ATRX: variants seen among roughly 807,000 people sequenced by gnomAD.
The protein encoded by ATRX is ATRX chromatin remodeler.
In ATRX, 12 loss-of-function variants were observed where a neutral mutation model predicts 172.6. That is an observed-to-expected ratio of 0.07 (90% CI 0.04 to 0.11). ATRX has a LOEUF of 0.11. ATRX is among the 10% of genes least tolerant of loss of function. ATRX has a pLI of 1.00. For synonymous variants in ATRX, 674 were observed against 594.7 expected, an observed-to-expected ratio of 1.13 and a Z score of -1.94; for missense variants, 1,368 against 1,767.4, an observed-to-expected ratio of 0.77 and a Z score of 4.05.
Position 77,682,288 on chromosome X carries a change from C to T in ATRX, c.2968G>A (p.Glu990Lys), listed in dbSNP as rs376883807. The change falls in exon 9 of 35, where the codon GAA becomes AAA. Residue 990 changes from glutamate (E) to lysine (K), a missense_variant. By Grantham distance (56) the Glu-to-Lys change is moderately conservative. Around this residue, in one of 17 missense-constraint regions of ATRX, gnomAD observed 843 missense variants for 643.1 expected, o/e 1.31. Transcript: ENST00000373344. ...DDKKQSKKGT[E>K]EKKKPSDFKK... ...AAGTCTGAAGGTTTCTTTTTTTCTT[C>T]AGTTCCCTTTTTGCTCTGCTTTTTA... 1.4e-5 allele frequency: 17 copies of T among 1,196,622 alleles called. No homozygotes were observed. In the African/African-American group the frequency reaches 2.5e-4, roughly 18 times the overall value.
chrX:77,531,694 T>C (rs1411857537), intron 30 of ATRX, among the ~76,000 whole-genome samples: 3 of 111,908 alleles, frequency 2.7e-5, no homozygotes, highest in Admixed American at 9.5e-5. Context: ...GGGCAAAAGC[T>C]GGAAGCATTC....
At chrX:77,566,594 A>C (rs1336380718) in intron 28 of ATRX, among the ~76,000 whole-genome samples, 1 of 111,534 alleles carries the variant, frequency 9.0e-6, no homozygotes. Context: ...CTCTACAAAA[A>C]ATACAGAAAT....
intron 30 of ATRX, among the ~76,000 whole-genome samples, chrX:77,555,233 G>A: frequency 8.9e-6 from 1 of 111,836 alleles, no homozygotes; most frequent in South Asian, 3.8e-4. Context: ...AGGATGTGGA[G>A]AAATAGGAAC....
intron 2 of ATRX, among the ~76,000 whole-genome samples, chrX:77,712,562 C>A (rs1321333972): frequency 1.8e-5 from 2 of 112,253 alleles, no homozygotes; most frequent in Admixed American, 9.5e-5. Context: ...TGGTGGCTCA[C>A]GCCTGTAATC....
At chrX:77,617,578 C>G (rs1289357448) in intron 21 of ATRX, among the ~76,000 whole-genome samples, 1 of 111,182 alleles carries the variant, frequency 9.0e-6, no homozygotes, top group Non-Finnish European at 1.9e-5. Context: ...TTAAATCATC[C>G]CCAGATTACT....
intron 34 of ATRX, among the ~76,000 whole-genome samples, chrX:77,508,885 A>C (rs2062774104): frequency 8.9e-6 from 1 of 112,274 alleles, no homozygotes; most frequent in Admixed American, 9.4e-5. Flanking sequence ...TGCCATAGTA[A>C]TGTGTTCTGT....
At chrX:77,529,325 GAGA>G (rs2063494964) in intron 30 of ATRX, among the ~76,000 whole-genome samples, 1 of 111,022 alleles carries the variant, frequency 9.0e-6, no homozygotes, top group South Asian at 3.8e-4. Context: ...GATATTCCAC[GAGA>G]AGATCAACCC....
intron 1 of ATRX, among the ~76,000 whole-genome samples, chrX:77,724,208 G>C (rs782749372): frequency 5.3e-4 from 58 of 109,682 alleles, no homozygotes; most frequent in South Asian, 3.1e-3. Flanking sequence ...AGCCGGGAGG[G>C]AGAGACTGCA....
intron 1 of ATRX, among the ~76,000 whole-genome samples, chrX:77,749,534 C>G (rs2075222331): frequency 8.9e-6 from 1 of 111,811 alleles, no homozygotes; most frequent in Non-Finnish European, 1.9e-5. Context: ...AAAAATAAAG[C>G]TTATTTCCCT....
chrX:77,590,215 G>A (rs1330473474), intron 26 of ATRX, among the ~76,000 whole-genome samples: 7 of 111,269 alleles, frequency 6.3e-5, no homozygotes, highest in Non-Finnish European at 1.3e-4. Flanking sequence ...AAAGGGACAG[G>A]CACAGATCAA....
intron 2 of ATRX, among the ~76,000 whole-genome samples, chrX:77,701,156 TG>T (rs2072485986): frequency 8.9e-6 from 1 of 112,049 alleles, no homozygotes; most frequent in Non-Finnish European, 1.9e-5. Context: ...CAGGGACATA[TG>T]GGAACTCACT....
chrX:77,589,167 C>T (rs1557078776), intron 27 of ATRX, among the ~76,000 whole-genome samples: 1 of 112,250 alleles, frequency 8.9e-6, no homozygotes, highest in African/African-American at 3.2e-5. Flanking sequence ...ATCAAGACCA[C>T]ATATTACATG....
chrX:77,632,842 T>C (rs1381790382), intron 19 of ATRX, among the ~76,000 whole-genome samples: 10 of 111,675 alleles, frequency 9.0e-5, no homozygotes, highest in Admixed American at 4.8e-4. Context: ...TCTAATGACA[T>C]GAAGTTTGGA....
intron 10 of ATRX, among the ~76,000 whole-genome samples, chrX:77,666,706 G>T (rs1043574194): frequency 9.0e-6 from 1 of 111,633 alleles, no homozygotes; most frequent in Non-Finnish European, 1.9e-5. Context: ...CTAAAAGTAC[G>T]AAAATTAGCT....
intron 1 of ATRX, among the ~76,000 whole-genome samples, chrX:77,750,164 T>C (rs781801521): frequency 8.9e-6 from 1 of 111,911 alleles, no homozygotes; most frequent in East Asian, 2.8e-4. Flanking sequence ...TTTATTATAG[T>C]TATTGTCAGT....
chrX:77,542,383 C>T (rs1035473896), intron 30 of ATRX, among the ~76,000 whole-genome samples: 8 of 111,679 alleles, frequency 7.2e-5, no homozygotes, highest in African/African-American at 2.6e-4. Flanking sequence ...GTGAAAATGG[C>T]CATACTGACC....
At chrX:77,567,121 A>G (rs1226367834) in intron 28 of ATRX, among the ~76,000 whole-genome samples, 1 of 111,625 alleles carries the variant, frequency 9.0e-6, no homozygotes, top group African/African-American at 3.3e-5. Flanking sequence ...CACTAAAAAA[A>G]ACTACAGATG....
intron 30 of ATRX, among the ~76,000 whole-genome samples, chrX:77,555,738 G>T (rs2064754291): frequency 9.0e-6 from 1 of 110,622 alleles, no homozygotes; most frequent in African/African-American, 3.3e-5. Flanking sequence ...AGAACATTAG[G>T]ACAAATACCT....
At chrX:77,725,495 G>A (rs181470191) in intron 1 of ATRX, among the ~76,000 whole-genome samples, 28 of 112,078 alleles carry the variant, frequency 2.5e-4, no homozygotes, top group Non-Finnish European at 2.6e-4. Context: ...AGACTTAAGC[G>A]TCAGACCTAA....
Sources: gnomAD v4.1 joint callset for allele counts (sites outside exome capture counted in the v4.1 genomes callset) on GRCh38, gnomAD v4.1.1 for gene constraint, gnomAD v4.1.1 regional missense constraint, MANE v1.5 for transcripts, NCBI Gene and HGNC (gene_info 2026-07-23, HGNC 2026-07-21) for gene names.